The following SNAPC4 variants were observed in gnomAD, a reference collection of about 807,000 sequenced individuals.
SNAPC4 encodes small nuclear RNA activating complex polypeptide 4.
Under a neutral mutation model 151.3 loss-of-function variants are expected in SNAPC4, and 127 were observed. That is an observed-to-expected ratio of 0.84 (90% confidence interval 0.73 to 0.97). The LOEUF (loss-of-function observed/expected upper bound fraction) is 0.97. Among genes scored for constraint, SNAPC4 ranks in the 50% least tolerant of loss-of-function variants. SNAPC4 has a pLI of 0.00. For missense variants in SNAPC4, 2,186 were observed against 1,935.0 expected (o/e 1.13, Z -2.43); for synonymous variants, 1,002 against 824.4 (o/e 1.22, Z -3.69).
chr9:136,383,296 T>C lies in SNAPC4; in HGVS notation c.1873A>G (p.Thr625Ala), dbSNP rs755367998. 6.2e-7 allele frequency: 1 copy of C among 1,612,096 alleles called. No homozygotes were observed. The highest frequency in any genetic ancestry group is 8.5e-7 in the Non-Finnish European group (1 of 1,179,684). The change falls in exon 16 of 24, where the codon ACG becomes GCG. Residue 625 changes from threonine to alanine, a missense_variant. By Grantham distance (58) the Thr-to-Ala change is moderately conservative (BLOSUM62 0). Coordinates refer to ENST00000684778, the MANE Select transcript of SNAPC4 (RefSeq NM_003086.4). The surrounding 1 kb of genome is among the most constrained non-coding windows in gnomAD (Gnocchi z 4.2). ...CTGGCAGGGACCTGCACCGGACTCG[T>C]CTCCTCTCCAGGAGCCGCGGCTGTG... Reference protein sequence around the residue: ...STTAAAPGEETSPVQVPARAH... With the variant: ...STTAAAPGEEASPVQVPARAH...
chr9:136,397,623 G>A (rs1279378433), intron 2 of SNAPC4, among the ~76,000 whole-genome samples: 1 of 118,684 alleles, frequency 8.4e-6, no homozygotes, highest in African/African-American at 3.3e-5. Context: ...GGGAGCACGT[G>A]GGGTGGGGAG....
At position 136,395,365 on chromosome 9, in the gene SNAPC4, C is replaced by T. The variant is rs1834229441; in HGVS notation, c.404G>A (p.Ser135Asn). The change falls in exon 5 of 24, where the codon AGC becomes AAC. Residue 135 changes from serine to asparagine, a missense_variant. By Grantham distance (46) the Ser-to-Asn change is conservative (BLOSUM62 1). Transcript: ENST00000684778. ...CCCCATGTATGTGCTTGGGGGCAGG[C>T]TTTTGCCATCTTTCACCTTGGTGCC... ...SKGTKVKDGK[S>N]LPPSTYMGHF... The T allele has an allele frequency of 5.6e-6, 9 of 1,613,604 alleles. No homozygotes were observed. Among genetic ancestry groups the T allele is most frequent in the African/African-American group, 1.3e-5 (1 of 75,062 alleles).
Position 136,383,286 on chromosome 9 carries a change from A to T in SNAPC4, c.1883T>A (p.Val628Glu). 1 of 1,612,166 alleles carries T rather than the reference A, an allele frequency of 6.2e-7. No homozygotes were observed. Among genetic ancestry groups the T allele is most frequent in the Non-Finnish European group, 8.5e-7 (1 of 1,179,712 alleles). Reference protein sequence around the residue: ...AAAPGEETSPVQVPARAHGPV... With the variant: ...AAAPGEETSPEQVPARAHGPV... ...GCCGTGGGCCCTGGCAGGGACCTGC[A>T]CCGGACTCGTCTCCTCTCCAGGAGC... The change falls in exon 16 of 24, where the codon GTG (valine) becomes GAG (glutamate). Residue 628 changes from valine to glutamate, a missense_variant. Transcript: ENST00000684778. This position sits in a 1 kb window ranked among gnomAD's most constrained non-coding sequence, Gnocchi z 4.2.
chr9:136,379,417 G>C, intron 21 of SNAPC4, 118 bp from the exon 22 acceptor site: 1 of 1,477,854 alleles, frequency 6.8e-7, no homozygotes, highest in Non-Finnish European at 9.1e-7. Flanking sequence ...CTTGAGCCAA[G>C]AGAGGGTCAA....
intron 10 of SNAPC4, 92 bp from the exon 11 acceptor site, chr9:136,388,683 T>G (rs1275563540): frequency 6.6e-6 from 10 of 1,506,360 alleles, no homozygotes; most frequent in Admixed American, 5.1e-5. Flanking sequence ...GGTGGGCCCA[T>G]GAGCCACTGG....
At chr9:136,391,829 A>G in intron 10 of SNAPC4, 113 bp downstream of exon 10, 3 of 1,182,978 alleles carry the variant, frequency 2.5e-6, no homozygotes, top group South Asian at 3.0e-5. Context: ...CAACACATAG[A>G]AACCTGGCGG....
intron 1 of SNAPC4, 128 bp from the exon 2 acceptor site, chr9:136,398,565 GA>G: frequency 9.4e-7 from 1 of 1,059,860 alleles, no homozygotes; most frequent in Admixed American, 2.3e-5. Flanking sequence ...GCTCCCCAGA[GA>G]AAGATTAATA....
rs759939321 is a variant in SNAPC4, at chr9:136,377,894, C to A, written c.3933G>T (p.Leu1311=). 1.2e-6 allele frequency: 2 copies of A among 1,611,314 alleles called. No individual in the cohort carries two copies. The highest frequency in any genetic ancestry group is 1.3e-5 in the African/African-American group (1 of 74,910). ...LPYQPPALCS[L]RALSGLLLHK... ...GGAGTAGGAGACCGGACAGAGCTCGCAGGCTGCACAGGGCTGGGGGCTGAT... is the reference window on the plus strand; with the variant it reads ...GGAGTAGGAGACCGGACAGAGCTCGAAGGCTGCACAGGGCTGGGGGCTGAT... The change falls in exon 22 of 24, where the codon CTG becomes CTT. Residue 1311 remains leucine, a synonymous_variant. Coordinates refer to ENST00000684778, the MANE Select transcript of SNAPC4 (RefSeq NM_003086.4).
Position 136,392,825 on chromosome 9 carries a change from G to A in SNAPC4, c.633-48C>T, listed in dbSNP as rs1445647927. ...AAGGGCTGGGGCACGAGGGCTGCGG[G>A]GCGGGGCAGGTTCTCTGCACATTAC... is the stretch of plus-strand genomic sequence containing the variant. On this transcript the variant is annotated intron_variant, in intron 7 of 23. Coordinates refer to ENST00000684778, the MANE Select transcript of SNAPC4 (RefSeq NM_003086.4). 4 of 1,496,690 alleles carry A rather than the reference G, an allele frequency of 2.7e-6. No individual in the cohort carries two copies. The East Asian group carries it at 6.8e-5, about 26-fold the overall frequency. The allele number at this position is 1,496,690 out of a possible 1,614,324, so 92.7% of individuals were successfully genotyped here. A position where few individuals can be genotyped will look rare whatever the true frequency, so the allele number is the denominator to read the frequency against.
At chr9:136,381,008 G>C (rs1833670485) in intron 19 of SNAPC4, among the ~76,000 whole-genome samples, 158 bp from the exon 20 acceptor site, 1 of 152,214 alleles carries the variant, frequency 6.6e-6, no homozygotes, top group Non-Finnish European at 1.5e-5. Flanking sequence ...GGGAGGCCAT[G>C]AGGCTGTGGA....
At chr9:136,390,423 T>A (rs964229878) in intron 10 of SNAPC4, among the ~76,000 whole-genome samples, 3 of 151,174 alleles carry the variant, frequency 2.0e-5, no homozygotes, top group Non-Finnish European at 4.4e-5. Flanking sequence ...GGCGTGGTGG[T>A]GGGCGCCTGT....
rs139568835 is a variant in SNAPC4, at chr9:136,377,646, G to A, written c.4181C>T (p.Ser1394Leu). Residue 1394 changes from serine (S) to leucine (L), a missense_variant, in exon 22 of 24, where the codon TCG becomes TTG. Ser to Leu is a moderately radical substitution (Grantham distance 145). Transcript: ENST00000684778. ...ATCCTCACTCTCAGAGCCCACCCTC[G>A]AAGGTACTGAGAGGGTGGTGCGGAC... Reference protein sequence around the residue: ...QGVRTTLSVPSRVGSESEDED... With the variant: ...QGVRTTLSVPLRVGSESEDED... The A allele has an allele frequency of 7.5e-4, 1,197 of 1,592,982 alleles. No homozygotes were observed. The highest frequency in any genetic ancestry group is 9.6e-4 in the Non-Finnish European group (1,119 of 1,167,784).
intron 6 of SNAPC4, 31 bp downstream of exon 6, chr9:136,394,769 G>A: frequency 6.2e-7 from 1 of 1,603,574 alleles, no homozygotes; most frequent in Non-Finnish European, 8.5e-7. Context: ...CCCAAGCTCA[G>A]GGGTGCCGCA....
In SNAPC4 at chr9:136,383,144, C is replaced by T. The variant is rs754715300; in HGVS notation, c.1983+42G>A. ...AGCGTCAGCCCTGGCGAGCGAGTGC[C>T]GAAAGTGCACTTCCCGTGGTACACC... On this transcript the variant is annotated intron_variant, in intron 16 of 23. Coordinates refer to ENST00000684778, the MANE Select transcript of SNAPC4 (RefSeq NM_003086.4). This position sits in a 1 kb window ranked among gnomAD's most constrained non-coding sequence, Gnocchi z 4.2. The T allele has an allele frequency of 3.9e-5, 59 of 1,509,178 alleles. No individual in the cohort carries two copies. The highest frequency in any genetic ancestry group is 9.1e-5 in the Admixed American group (4 of 43,870). The allele number at this position is 1,509,178 out of a possible 1,614,324, so 93.5% of individuals were successfully genotyped here.
In SNAPC4 at chr9:136,378,181, T is replaced by C; in HGVS notation, c.3646A>G (p.Thr1216Ala). ...GACCCCGGCGTCCCCCTTGGCTCAG[T>C]TGCTGGGATGACACCACCGAAGGCT... ...LPAFGGVIPA[T>A]EPRGTPGSPS... The change falls in exon 22 of 24, where the codon ACT becomes GCT. Residue 1216 changes from threonine (T) to alanine (A), a missense_variant. Thr to Ala is a moderately conservative substitution (Grantham distance 58). Transcript: ENST00000684778. 1 of 1,611,926 alleles carries C rather than the reference T, an allele frequency of 6.2e-7. No individual in the cohort carries two copies. The highest frequency in any genetic ancestry group is 8.5e-7 in the Non-Finnish European group (1 of 1,179,722).
chr9:136,383,766 G>T lies in SNAPC4; in HGVS notation c.1501-98C>A. On this transcript the variant is annotated intron_variant, in intron 15 of 23. Transcript: ENST00000684778. The surrounding 1 kb of genome is among the most constrained non-coding windows in gnomAD (Gnocchi z 4.2). ...CCCTTTGGGGAGAGGCCCAAGCGGGGGCGCCTCCGGGGTCAAGAGCAGCCG... is the reference window on the plus strand; with the variant it reads ...CCCTTTGGGGAGAGGCCCAAGCGGGTGCGCCTCCGGGGTCAAGAGCAGCCG... 6.7e-7 allele frequency: 1 copy of T among 1,484,544 alleles called. No homozygotes were observed. Among genetic ancestry groups the T allele is most frequent in the Non-Finnish European group, 9.1e-7 (1 of 1,093,152 alleles). 92.0% of individuals were successfully genotyped at this position (1,484,544 alleles called of 1,614,324 possible). A position where few individuals can be genotyped will look rare whatever the true frequency, so the allele number is the denominator to read the frequency against.
chr9:136,376,522 C>G, intron 22 of SNAPC4, 41 bp from the exon 23 acceptor site: 1 of 1,608,960 alleles, frequency 6.2e-7, no homozygotes, highest in Non-Finnish European at 8.5e-7. Context: ...AGTGACACCC[C>G]CGAGCCATGA....
chr9:136,381,251 G>T, intron 19 of SNAPC4, 71 bp downstream of exon 19: 1 of 1,194,062 alleles, frequency 8.4e-7, no homozygotes, highest in Non-Finnish European at 1.2e-6. Flanking sequence ...TGAATCTACT[G>T]CAGATTTCAA....
At position 136,384,052 on chromosome 9, in the gene SNAPC4, TG is replaced by T; in HGVS notation, c.1421-21del. Reference sequence around the variant, plus strand: ...AGTGACCTGCAAAAGCCAAACCCCATGGAAATGCCTTCATCCAAAGATTCTT... The same window carrying T: ...AGTGACCTGCAAAAGCCAAACCCCATGAAATGCCTTCATCCAAAGATTCTT... On this transcript the variant is annotated intron_variant, in intron 14 of 23. Coordinates refer to ENST00000684778, the MANE Select transcript of SNAPC4 (RefSeq NM_003086.4). 1 of 1,604,350 alleles carries T rather than the reference TG, an allele frequency of 6.2e-7. No individual in the cohort carries two copies.
Sources: gnomAD v4.1 joint callset for allele counts (sites outside exome capture counted in the v4.1 genomes callset) on GRCh38, gnomAD v4.1.1 for gene constraint, Gnocchi (gnomAD v3.1) non-coding constraint, MANE v1.5 for transcripts, NCBI Gene and HGNC (gene_info 2026-07-23, HGNC 2026-07-21) for gene names.